The following TBC1D19 variants were observed in gnomAD, a reference collection of about 807,000 sequenced individuals.
TBC1D19 encodes TBC1 domain family, member 19.
A neutral mutation model predicts 89.0 loss-of-function variants in TBC1D19; 60 were observed. The ratio of observed to expected loss-of-function variants is 0.67; its 90% CI spans 0.55 to 0.84. TBC1D19 has a LOEUF of 0.84. Ranked by LOEUF, TBC1D19 falls within the 40% of genes least tolerant of loss-of-function variation. TBC1D19 has a pLI of 0.00. For missense variants in TBC1D19, 500 were observed against 610.8 expected (o/e 0.82, Z 1.91); for synonymous variants, 189 against 199.7 (o/e 0.95, Z 0.45).
At chr4:26,718,090 G>T in intron 14 of TBC1D19, 73 bp downstream of exon 14, 1 of 1,229,172 alleles carries the variant, frequency 8.1e-7, no homozygotes, top group Non-Finnish European at 1.2e-6. Context: ...TTTATTTTTG[G>T]AGATAGTGGT....
At chr4:26,700,299 T>C (rs1333277963) in intron 13 of TBC1D19, among the ~76,000 whole-genome samples, 1 of 152,146 alleles carries the variant, frequency 6.6e-6, no homozygotes, top group Non-Finnish European at 1.5e-5. Context: ...TAACCACAGA[T>C]ATCCATACCC....
intron 1 of TBC1D19, among the ~76,000 whole-genome samples, chr4:26,604,112 C>T (rs1381180237): frequency 1.3e-5 from 2 of 150,212 alleles, no homozygotes; most frequent in South Asian, 2.1e-4. Flanking sequence ...CATGAACGTT[C>T]ATCCATGTTG....
intron 11 of TBC1D19, among the ~76,000 whole-genome samples, chr4:26,678,624 G>A (rs1201450666): frequency 6.6e-6 from 1 of 152,002 alleles, no homozygotes; most frequent in African/African-American, 2.4e-5. Context: ...GAAAAAAATG[G>A]GACAGGGAAA....
At chr4:26,762,934 G>A in the TBC1D19 span, among the ~76,000 whole-genome samples, 1 of 152,048 alleles carries the variant, frequency 6.6e-6, no homozygotes, top group African/African-American at 2.4e-5. Context: ...TTGATTGTAG[G>A]ACTTTTGACC....
chr4:26,674,217 G>A (rs188225369), intron 11 of TBC1D19, among the ~76,000 whole-genome samples: 79 of 152,104 alleles, frequency 5.2e-4, no homozygotes, highest in Middle Eastern at 3.4e-3. Context: ...GTTAGACTAC[G>A]GAGAAATAAA....
chr4:26,763,831 G>A, the TBC1D19 span, among the ~76,000 whole-genome samples: 2 of 152,238 alleles, frequency 1.3e-5, no homozygotes, highest in East Asian at 3.8e-4. Flanking sequence ...TTGGGCAAGT[G>A]TGATAGAGGA....
chr4:26,613,385 G>A, intron 2 of TBC1D19, 144 bp downstream of exon 2: 1 of 544,456 alleles, frequency 1.8e-6, no homozygotes, highest in Non-Finnish European at 3.2e-6. Context: ...GCAGCCTGAA[G>A]CCATGGTTTT....
intron 11 of TBC1D19, among the ~76,000 whole-genome samples, chr4:26,683,039 G>T (rs959480920): frequency 3.9e-5 from 6 of 152,074 alleles, no homozygotes; most frequent in African/African-American, 1.4e-4. Flanking sequence ...TCAAACTCCT[G>T]AGTTCAAGCA....
At chr4:26,822,915 T>C in the TBC1D19 span, among the ~76,000 whole-genome samples, 12 of 152,334 alleles carry the variant, frequency 7.9e-5, no homozygotes, top group African/African-American at 2.9e-4. Context: ...ACCTTGATTT[T>C]CCTTGGGATC....
At chr4:26,699,878 G>A (rs1169355687) in intron 13 of TBC1D19, among the ~76,000 whole-genome samples, 1 of 151,818 alleles carries the variant, frequency 6.6e-6, no homozygotes, top group Non-Finnish European at 1.5e-5. Context: ...TGGGGGGAAG[G>A]GGGAGGGAAA....
chr4:26,643,616 C>A (rs111788280), intron 7 of TBC1D19, among the ~76,000 whole-genome samples: 5 of 152,088 alleles, frequency 3.3e-5, no homozygotes, highest in African/African-American at 9.6e-5. Context: ...AAAAACCCTT[C>A]AAAAAATCAG....
intron 13 of TBC1D19, among the ~76,000 whole-genome samples, chr4:26,689,147 C>T (rs115081636): frequency 0.019 from 2,959 of 151,986 alleles, 100 homozygotes; most frequent in African/African-American, 0.067. Context: ...AAATAAGCAT[C>T]TTCAAGAAGG....
At chr4:26,583,600 A>T (rs1369771844), upstream of TBC1D19, among the ~76,000 whole-genome samples, 1 of 152,204 alleles carries the variant, frequency 6.6e-6, no homozygotes, top group Non-Finnish European at 1.5e-5. Context: ...TAGAAACGAG[A>T]GAAAATGAAG....
chr4:26,613,980 C>T (rs769459151), intron 2 of TBC1D19, among the ~76,000 whole-genome samples: 1 of 152,128 alleles, frequency 6.6e-6, no homozygotes, highest in African/African-American at 2.4e-5. Flanking sequence ...CTGCCTCTGT[C>T]GTCCAGGACT....
At chr4:26,833,898 A>G in the TBC1D19 span, among the ~76,000 whole-genome samples, 6 of 152,090 alleles carry the variant, frequency 3.9e-5, no homozygotes, top group African/African-American at 1.4e-4. Context: ...AATCTTCCCC[A>G]CTCAGAGGTG....
chr4:26,658,203 G>A (rs1744988019), intron 7 of TBC1D19, among the ~76,000 whole-genome samples: 1 of 152,124 alleles, frequency 6.6e-6, no homozygotes, highest in South Asian at 2.1e-4. Context: ...TTTCTTCTAG[G>A]ATTCCTATAG....
At chr4:26,753,959 G>A in intron 20 of TBC1D19, 69 bp downstream of exon 20, 1 of 1,566,612 alleles carries the variant, frequency 6.4e-7, no homozygotes, top group Non-Finnish European at 8.8e-7. Context: ...TCATTTTAGT[G>A]TCTGTTGCAT....
chr4:26,769,753 G>T, the TBC1D19 span, among the ~76,000 whole-genome samples: 10 of 151,986 alleles, frequency 6.6e-5, no homozygotes, highest in South Asian at 1.2e-3. Context: ...TCACCATGTT[G>T]CCCAGGCTGG....
chr4:26,706,926 A>C (rs2109229664), intron 13 of TBC1D19, among the ~76,000 whole-genome samples: 1 of 152,092 alleles, frequency 6.6e-6, no homozygotes, highest in South Asian at 2.1e-4. Context: ...AAATCTATTG[A>C]AACTTAATTA....
Sources: gnomAD v4.1 joint callset for allele counts (sites outside exome capture counted in the v4.1 genomes callset) on GRCh38, gnomAD v4.1.1 for gene constraint, MANE v1.5 for transcripts, NCBI Gene and HGNC (gene_info 2026-07-23, HGNC 2026-07-21) for gene names.